Variants in DOCK10 observed in about 807,000 individuals in gnomAD.
DOCK10 encodes the protein dedicator of cytokinesis protein 10.
A neutral mutation model predicts 280.1 loss-of-function variants in DOCK10; 145 were observed. That is an observed-to-expected ratio of 0.52 (90% CI 0.45 to 0.59). DOCK10 has a LOEUF of 0.59. Ranked by LOEUF, DOCK10 falls within the 20% of genes least tolerant of loss-of-function variation. The pLI, the probability that DOCK10 is intolerant of heterozygous loss-of-function variation, is 0.00. For missense variants in DOCK10, 2,368 were observed against 2,651.7 expected (o/e 0.89, Z 2.35); for synonymous variants, 915 against 942.2 (o/e 0.97, Z 0.53).
At chr2:224,906,725 C>A (rs1023413965) in intron 3 of DOCK10, among the ~76,000 whole-genome samples, 6 of 152,224 alleles carry the variant, frequency 3.9e-5, no homozygotes, top group Non-Finnish European at 7.3e-5. Context: ...GTGATCCGCC[C>A]GCCTTGGCCT....
chr2:225,002,216 C>T (rs1225695810), intron 1 of DOCK10, among the ~76,000 whole-genome samples: 4 of 152,182 alleles, frequency 2.6e-5, no homozygotes, highest in African/African-American at 9.7e-5. Context: ...TTACCTGATG[C>T]TAAACTCTCC....
At chr2:225,030,038 T>C (rs762740106) in intron 1 of DOCK10, among the ~76,000 whole-genome samples, 15 of 150,554 alleles carry the variant, frequency 1.0e-4, no homozygotes, top group Non-Finnish European at 1.9e-4. Flanking sequence ...CCCAGCTACT[T>C]GGGAGGCTGA....
intron 26 of DOCK10, among the ~76,000 whole-genome samples, chr2:224,831,741 G>A (rs1306265973): frequency 1.3e-5 from 2 of 152,162 alleles, no homozygotes; most frequent in African/African-American, 4.8e-5. Context: ...TCCACAACCT[G>A]GCCCTCCTCC....
intron 1 of DOCK10, among the ~76,000 whole-genome samples, chr2:225,002,493 A>G (rs1281585254): frequency 6.6e-6 from 1 of 152,208 alleles, no homozygotes; most frequent in African/African-American, 2.4e-5. Flanking sequence ...CTTTATTGAT[A>G]GATAAGTCAT....
chr2:224,805,553 C>T lies in DOCK10; in HGVS notation c.3815-24G>A, dbSNP rs777868602. 14 of 1,610,576 alleles carry T rather than the reference C, an allele frequency of 8.7e-6. No individual in the cohort carries two copies. The highest frequency in any genetic ancestry group is 1.1e-5 in the South Asian group (1 of 90,768). On this transcript the variant is annotated intron_variant, in intron 34 of 55. Coordinates refer to ENST00000258390, the MANE Select transcript of DOCK10 (RefSeq NM_014689.3). This position sits in a 1 kb window ranked among gnomAD's most constrained non-coding sequence, Gnocchi z 4.3. ...TGCTGTAAACACAAGCCACAGCACACGTATGGGAATGAGATGTATGGGCAC... is the reference window on the plus strand; with the variant it reads ...TGCTGTAAACACAAGCCACAGCACATGTATGGGAATGAGATGTATGGGCAC...
intron 26 of DOCK10, among the ~76,000 whole-genome samples, chr2:224,833,641 A>G (rs1443015256): frequency 6.8e-6 from 1 of 146,624 alleles, no homozygotes; most frequent in African/African-American, 2.6e-5. Context: ...CTAACATACA[A>G]TATCTATCTA....
chr2:224,775,716 T>A (rs941302472), intron 51 of DOCK10, among the ~76,000 whole-genome samples: 1 of 152,202 alleles, frequency 6.6e-6, no homozygotes, highest in South Asian at 2.1e-4. Context: ...CCTCAAGAGA[T>A]CTGTCCTCTT....
intron 1 of DOCK10, among the ~76,000 whole-genome samples, chr2:225,041,317 A>G (rs1472993608): frequency 1.3e-5 from 2 of 152,214 alleles, no homozygotes; most frequent in Non-Finnish European, 2.9e-5. Context: ...AACGCAGGCC[A>G]AGAGCGCGGC....
chr2:224,855,607 T>A (rs1345769517), intron 15 of DOCK10, among the ~76,000 whole-genome samples: 2 of 152,186 alleles, frequency 1.3e-5, no homozygotes, highest in Non-Finnish European at 2.9e-5. Context: ...CCCACTCACA[T>A]GCACTCCCCG....
intron 4 of DOCK10, among the ~76,000 whole-genome samples, chr2:224,887,573 A>G (rs1699385435): frequency 6.6e-6 from 1 of 152,188 alleles, no homozygotes; most frequent in Non-Finnish European, 1.5e-5. Context: ...CATCCAAAGT[A>G]TGGGCATTTC....
chr2:224,890,562 G>T (rs532658884), intron 4 of DOCK10, among the ~76,000 whole-genome samples: 1 of 151,918 alleles, frequency 6.6e-6, no homozygotes, highest in Non-Finnish European at 1.5e-5. Flanking sequence ...ACTGGAGGAT[G>T]TCTAAACAAA....
In DOCK10 at chr2:224,778,203, A is replaced by G; in HGVS notation, c.5737T>C (p.Leu1913=). The change falls in exon 51 of 56, where the codon TTA becomes CTA. Residue 1913 remains leucine, a synonymous_variant. Coordinates refer to ENST00000258390, the MANE Select transcript of DOCK10 (RefSeq NM_014689.3). ...AATTTATCTGCATAGAGCTTGAGTA[A>G]TCTTTGGGAAATCTCGGACAGACCT... ...LTGLSEISQR[L]LKLYADKFGA... is the part of the protein sequence containing the mutation. 1.9e-6 allele frequency: 3 copies of G among 1,613,102 alleles called. No homozygotes were observed. The highest frequency in any genetic ancestry group is 2.5e-6 in the Non-Finnish European group (3 of 1,179,340).
rs1011810305 is a variant in DOCK10 at position 224,935,905 on chromosome 2, T to C, written c.124-4237A>G. On this transcript the variant is annotated intron_variant, in intron 1 of 55. Transcript: ENST00000258390. ...TATCTTAAAGAAACAAGCACACATA[T>C]AATCCAAGATTTATACGAGGATGTC... Among the ~76,000 whole-genome samples, 7 of 152,276 alleles carry C rather than the reference T, an allele frequency of 4.6e-5. No homozygotes were observed. The East Asian group carries it at 1.4e-3, about 29-fold the overall frequency.
intron 1 of DOCK10, among the ~76,000 whole-genome samples, chr2:224,936,120 G>C (rs1011736826): frequency 5.9e-5 from 9 of 152,146 alleles, no homozygotes; most frequent in Non-Finnish European, 1.2e-4. Context: ...GATGTGCTTT[G>C]GGAAGGACAT....
chr2:224,774,323 C>T (rs1031044081), intron 52 of DOCK10, among the ~76,000 whole-genome samples: 3 of 152,200 alleles, frequency 2.0e-5, no homozygotes, highest in Non-Finnish European at 4.4e-5. Flanking sequence ...TTTCTCCTAC[C>T]AGACTGTGAG....
chr2:224,864,670 T>C lies in DOCK10; in HGVS notation c.1485A>G (p.Val495=). The C allele has an allele frequency of 6.2e-7, 1 of 1,610,466 alleles. No homozygotes were observed. The highest frequency in any genetic ancestry group is 8.5e-7 in the Non-Finnish European group (1 of 1,179,020). The change falls in exon 13 of 56, where the codon GTA becomes GTG. Residue 495 remains valine, a synonymous_variant. Coordinates refer to ENST00000258390, the MANE Select transcript of DOCK10 (RefSeq NM_014689.3). ...CAGAATGTGGATTGCTTACAGAAAA[T>C]ACAGCCTGTGTACAAAGAAAGCAGC... ...EEWLKFPKQA[V]FSVSNPHSEI...
chr2:225,016,911 C>T (rs1047723738), intron 1 of DOCK10, among the ~76,000 whole-genome samples: 1 of 151,634 alleles, frequency 6.6e-6, no homozygotes, highest in Non-Finnish European at 1.5e-5. Context: ...TTAGTAGGTA[C>T]GGGGTTTCGC....
chr2:224,981,147 T>C lies in DOCK10; in HGVS notation c.124-49479A>G, dbSNP rs540486718. On this transcript the variant is annotated intron_variant, in intron 1 of 55. Coordinates refer to ENST00000258390, the MANE Select transcript of DOCK10 (RefSeq NM_014689.3). Reference sequence around the variant, plus strand: ...TTAAAATTTAATTTGTGAAAACTTATGGGAATAATAAACATGAAATTATTC... The same window carrying C: ...TTAAAATTTAATTTGTGAAAACTTACGGGAATAATAAACATGAAATTATTC... Among the ~76,000 whole-genome samples, 3 of 152,330 alleles carry C rather than the reference T, an allele frequency of 2.0e-5. No homozygotes were observed. In the East Asian group the frequency reaches 5.8e-4, roughly 29 times the overall value.
chr2:224,906,774 C>A (rs368520185), intron 3 of DOCK10, among the ~76,000 whole-genome samples: 1 of 152,126 alleles, frequency 6.6e-6, no homozygotes, highest in Non-Finnish European at 1.5e-5. Context: ...TCACCGCACC[C>A]GGCCTTGTTT....
Sources: gnomAD v4.1 joint callset for allele counts (sites outside exome capture counted in the v4.1 genomes callset) on GRCh38, gnomAD v4.1.1 for gene constraint, Gnocchi (gnomAD v3.1) non-coding constraint, MANE v1.5 for transcripts, NCBI Gene and HGNC (gene_info 2026-07-23, HGNC 2026-07-21) for gene names.